The following RALYL variants were observed in gnomAD, a reference collection of about 807,000 sequenced individuals.
The protein encoded by RALYL is RALY RNA binding protein like, also known as RNA-binding Raly-like protein.
RALYL carries 29 observed loss-of-function variants against 35.1 expected under a neutral mutation model. The ratio of observed to expected loss-of-function variants is 0.83; its 90% CI spans 0.61 to 1.13. RALYL has a LOEUF of 1.13. RALYL is among the 50% of genes most tolerant of loss of function. The pLI is 0.00. For synonymous variants in RALYL, 120 were observed against 127.6 expected (o/e 0.94, Z 0.40); for missense variants, 359 against 360.4 (o/e 1.00, Z 0.03).
At chr8:84,766,601 G>A (rs1415333079) in intron 2 of RALYL, among the ~76,000 whole-genome samples, 2 of 150,284 alleles carry the variant, frequency 1.3e-5, no homozygotes, top group African/African-American at 4.9e-5. Flanking sequence ...GCACACGCCT[G>A]TAATCCCAGC....
chr8:84,579,269 C>T (rs1810268670), intron 2 of RALYL, among the ~76,000 whole-genome samples: 1 of 152,206 alleles, frequency 6.6e-6, no homozygotes, highest in Admixed American at 6.5e-5. Flanking sequence ...CACAACTTTG[C>T]TCCGCCCACT....
intron 1 of RALYL, among the ~76,000 whole-genome samples, chr8:84,508,975 A>G (rs944773986): frequency 6.6e-6 from 1 of 152,194 alleles, no homozygotes; most frequent in Non-Finnish European, 1.5e-5. Flanking sequence ...TTCTTGAATA[A>G]CTAAATTTGC....
At chr8:84,825,919 T>C (rs554943652) in intron 4 of RALYL, among the ~76,000 whole-genome samples, 23 of 151,854 alleles carry the variant, frequency 1.5e-4, no homozygotes, top group Non-Finnish European at 2.6e-4. Flanking sequence ...CCATCAATAG[T>C]GGGCTGGAAA....
At chr8:84,811,431 C>T (rs1038553320) in intron 4 of RALYL, among the ~76,000 whole-genome samples, 2 of 152,190 alleles carry the variant, frequency 1.3e-5, no homozygotes, top group African/African-American at 4.8e-5. Flanking sequence ...GTGCTTCTGT[C>T]TCACATCTCT....
At position 84,542,419 on chromosome 8, in the gene RALYL, G is replaced by A. The variant is rs1179695394; in HGVS notation, c.256+12842G>A. Among the ~76,000 whole-genome samples the A allele has an allele frequency of 2.0e-5, 3 of 151,928 alleles. No individual in the cohort carries two copies. In the South Asian group the frequency reaches 6.3e-4, roughly 32 times the overall value. On this transcript the variant is annotated intron_variant, in intron 2 of 8. Transcript: ENST00000521268. Reference sequence around the variant, plus strand: ...TAACCACAATATTATTATCTGATACGGTTTGGCTGTGCCCCCACCCAAATC... The same window carrying A: ...TAACCACAATATTATTATCTGATACAGTTTGGCTGTGCCCCCACCCAAATC...
intron 2 of RALYL, among the ~76,000 whole-genome samples, chr8:84,604,883 A>C (rs979559801): frequency 6.6e-6 from 1 of 152,162 alleles, no homozygotes; most frequent in Non-Finnish European, 1.5e-5. Flanking sequence ...GTATAAAAGC[A>C]GAATGGTAAA....
At chr8:84,292,565 G>A (rs926209821) in intron 1 of RALYL, among the ~76,000 whole-genome samples, 5 of 152,022 alleles carry the variant, frequency 3.3e-5, no homozygotes, top group African/African-American at 1.2e-4. Flanking sequence ...CAAAATACAG[G>A]TCATAAAGAC....
intron 3 of RALYL, among the ~76,000 whole-genome samples, chr8:84,778,001 A>G (rs1300436037): frequency 6.6e-6 from 1 of 152,116 alleles, no homozygotes; most frequent in African/African-American, 2.4e-5. Context: ...TCGGTCATTC[A>G]TTCATTCATT....
intron 2 of RALYL, among the ~76,000 whole-genome samples, chr8:84,729,508 G>A (rs552560643): frequency 0.017 from 2,585 of 152,032 alleles, 36 homozygotes; most frequent in Non-Finnish European, 0.03. Flanking sequence ...TCAAAAGCTA[G>A]CAGAAGGCAA....
At chr8:84,878,791 G>GA (rs148988854) in intron 7 of RALYL, among the ~76,000 whole-genome samples, 66 of 148,062 alleles carry the variant, frequency 4.5e-4, no homozygotes, top group African/African-American at 1.1e-3. Flanking sequence ...AGAAAATATG[G>GA]AAAAAAAAAC....
intron 1 of RALYL, among the ~76,000 whole-genome samples, chr8:84,454,006 C>T (rs933604857): frequency 3.3e-5 from 5 of 152,094 alleles, no homozygotes; most frequent in Non-Finnish European, 5.9e-5. Flanking sequence ...TAAAGTCATG[C>T]TGAAGATTAC....
intron 2 of RALYL, among the ~76,000 whole-genome samples, chr8:84,660,052 T>G (rs1830625116): frequency 6.6e-6 from 1 of 152,178 alleles, no homozygotes; most frequent in Non-Finnish European, 1.5e-5. Context: ...TAGAAGTATC[T>G]ATTCCACGAA....
intron 2 of RALYL, among the ~76,000 whole-genome samples, chr8:84,702,207 T>C (rs2132325388): frequency 1.3e-5 from 2 of 152,318 alleles, no homozygotes; most frequent in Admixed American, 1.3e-4. Context: ...ATTCACTCCC[T>C]GTGTCACATT....
chr8:84,277,256 G>A (rs1187567464), intron 1 of RALYL, among the ~76,000 whole-genome samples: 1 of 152,168 alleles, frequency 6.6e-6, no homozygotes, highest in Non-Finnish European at 1.5e-5. Context: ...ATTGTGGCAG[G>A]CAACAGGCCT....
chr8:84,279,978 A>T (rs1418657345), intron 1 of RALYL, among the ~76,000 whole-genome samples: 1 of 152,174 alleles, frequency 6.6e-6, no homozygotes, highest in African/African-American at 2.4e-5. Context: ...TTTTCAGCCT[A>T]CTGAGTGAAT....
intron 1 of RALYL, among the ~76,000 whole-genome samples, chr8:84,313,185 C>T (rs1477944128): frequency 6.6e-6 from 1 of 152,172 alleles, no homozygotes; most frequent in African/African-American, 2.4e-5. Context: ...CATCTGGACA[C>T]AGGGCACTAA....
intron 1 of RALYL, among the ~76,000 whole-genome samples, chr8:84,386,441 G>A (rs1009316288): frequency 2.0e-5 from 3 of 151,740 alleles, no homozygotes; most frequent in African/African-American, 7.3e-5. Flanking sequence ...ACAAAAATTG[G>A]GAACGTTTGA....
At chr8:84,413,137 T>C (rs1231109638) in intron 1 of RALYL, among the ~76,000 whole-genome samples, 1 of 150,614 alleles carries the variant, frequency 6.6e-6, no homozygotes, top group Non-Finnish European at 1.5e-5. Context: ...ATAATTAATT[T>C]TTTTCTGGTT....
intron 1 of RALYL, among the ~76,000 whole-genome samples, chr8:84,284,189 A>C (rs756320323): frequency 6.6e-5 from 10 of 152,172 alleles, no homozygotes; most frequent in Non-Finnish European, 1.2e-4. Context: ...ATGCGGTCTC[A>C]TTCAATGACA....
Sources: gnomAD v4.1 joint callset for allele counts (sites outside exome capture counted in the v4.1 genomes callset) on GRCh38, gnomAD v4.1.1 for gene constraint, MANE v1.5 for transcripts, NCBI Gene and HGNC (gene_info 2026-07-23, HGNC 2026-07-21) for gene names.